SLC7A6: variants seen among roughly 807,000 people sequenced by gnomAD.
SLC7A6 encodes solute carrier family 7 member 6, also known as Y+L amino acid transporter 2.
A neutral mutation model predicts 46.6 loss-of-function variants in SLC7A6; 29 were observed. That is an observed-to-expected ratio of 0.62 (90% CI 0.46 to 0.85). The LOEUF is 0.85. SLC7A6 is among the 40% of genes least tolerant of loss of function. SLC7A6 has a pLI of 0.00. For synonymous variants in SLC7A6, 276 were observed against 257.3 expected (o/e 1.07, Z -0.70); for missense variants, 527 against 647.6 (o/e 0.81, Z 2.02).
At chr16:68,278,222 T>G (rs886451462) in intron 3 of SLC7A6, among the ~76,000 whole-genome samples, 8 of 152,232 alleles carry the variant, frequency 5.3e-5, no homozygotes, top group African/African-American at 1.7e-4. Flanking sequence ...CCCAAAGTGC[T>G]GGGATTACAG....
At position 68,296,892 on chromosome 16, in the gene SLC7A6, C is replaced by T; in HGVS notation, c.1453+82C>T. 4 of 1,458,786 alleles carry T rather than the reference C, an allele frequency of 2.7e-6. No homozygotes were observed. In the South Asian group the frequency reaches 5.2e-5, roughly 19 times the overall value. 90.4% of individuals were successfully genotyped at this position (1,458,786 alleles called of 1,614,324 possible). A position where few individuals can be genotyped will look rare whatever the true frequency, so the allele number is the denominator to read the frequency against. On this transcript the variant is annotated intron_variant, in intron 10 of 10. Transcript: ENST00000219343. ...AGGTGGGGGGTGGCTAACAGCTTCC[C>T]CATACTCAGAATTTGCTGGAGGCCA...
chr16:68,276,164 A>G (rs1017934341), intron 3 of SLC7A6, among the ~76,000 whole-genome samples: 1 of 152,174 alleles, frequency 6.6e-6, no homozygotes, highest in Non-Finnish European at 1.5e-5. Flanking sequence ...ACTTCTTTAC[A>G]CTGACTTTGT....
rs1340855530 is a variant in SLC7A6, at chr16:68,301,605, CTGGAGTATTTTGTCACTTCTCCCCTCCG to C, written c.*4307_*4334del. The C allele has an allele frequency of 1.7e-4, 75 of 430,820 alleles. No individual in the cohort carries two copies. The highest frequency in any genetic ancestry group is 8.9e-4 in the African/African-American group (44 of 49,330). 26.7% of individuals were successfully genotyped at this position (430,820 alleles called of 1,614,324 possible). On this transcript the variant is annotated 3_prime_UTR_variant, in exon 11 of 11. Coordinates refer to ENST00000219343, the MANE Select transcript of SLC7A6 (RefSeq NM_003983.6). ...ATCATCTAAACCAAGTTCCTTCACA[CTGGAGTATTTTGTCACTTCTCCCCTCCG>C]TGGAGTATTTTGTCACTTCTCCCCT...
chr16:68,274,223 G>A (rs911696052), intron 2 of SLC7A6, among the ~76,000 whole-genome samples: 1 of 152,236 alleles, frequency 6.6e-6, no homozygotes, highest in Non-Finnish European at 1.5e-5. Context: ...AGAAGTCCCA[G>A]TTTACATTGG....
chr16:68,301,112 A>ATAAG lies in SLC7A6; in HGVS notation c.*3786_*3789dup. ...AGTGGAAAAGACTCACTCCCCTAAC[A>ATAAG]TAAGTTTTCACTGTGGTGGGATGGT... On this transcript the variant is annotated 3_prime_UTR_variant, in exon 11 of 11. Coordinates refer to ENST00000219343, the MANE Select transcript of SLC7A6 (RefSeq NM_003983.6). 7.4e-7 allele frequency: 1 copy of ATAAG among 1,358,284 alleles called. No homozygotes were observed. Among genetic ancestry groups the ATAAG allele is most frequent in the Non-Finnish European group, 9.5e-7 (1 of 1,052,046 alleles). 84.1% of individuals were successfully genotyped at this position (1,358,284 alleles called of 1,614,324 possible).
chr16:68,278,175 T>C (rs2042752273), intron 3 of SLC7A6, among the ~76,000 whole-genome samples: 2 of 152,028 alleles, frequency 1.3e-5, no homozygotes, highest in East Asian at 1.9e-4. Flanking sequence ...CAGGATGGTC[T>C]TGATCTCTTG....
In SLC7A6 at chr16:68,299,312, C is replaced by T. The variant is rs2043227931; in HGVS notation, c.*1984C>T. 6.6e-6 allele frequency: 1 copy of T among 152,648 alleles called. No homozygotes were observed. Among genetic ancestry groups the T allele is most frequent in the Admixed American group, 6.5e-5 (1 of 15,278 alleles). The allele number at this position is 152,648 out of a possible 1,614,324, so 9.5% of individuals were successfully genotyped here. On this transcript the variant is annotated 3_prime_UTR_variant, in exon 11 of 11. Coordinates refer to ENST00000219343, the MANE Select transcript of SLC7A6 (RefSeq NM_003983.6). The stretch of plus-strand genomic sequence containing the variant: ...AGCTAATCCCAGGAATTTGCTGCCC[C>T]CCACCAGTGGCTTCTAGGGAAAGCA...
In SLC7A6 at chr16:68,275,244, G is replaced by A. The variant is rs776353006; in HGVS notation, c.518G>A (p.Cys173Tyr). The change falls in exon 3 of 11, where the codon TGC becomes TAC. Residue 173 changes from cysteine to tyrosine, a missense_variant. Cys to Tyr is a radical substitution (Grantham distance 194). Transcript: ENST00000219343. ...YLACRLLAAA[C>Y]ICLLTFVNCA... is the part of the protein sequence containing the mutation. ...GCCTGCCGTCTCCTGGCTGCTGCTT[G>A]CATATGTAAGTGGGGGCTGAGATTG... 2.5e-6 allele frequency: 4 copies of A among 1,610,470 alleles called. No individual in the cohort carries two copies. In the East Asian group the frequency reaches 8.9e-5, roughly 36 times the overall value.
intron 7 of SLC7A6, chr16:68,291,869 T>A (rs996527804): frequency 1.8e-6 from 1 of 558,848 alleles, no homozygotes; most frequent in Non-Finnish European, 3.2e-6. Flanking sequence ...CATGTTTCCA[T>A]CTGAGGTGAG....
chr16:68,284,747 T>G, intron 3 of SLC7A6: 6 of 518,204 alleles, frequency 1.2e-5, no homozygotes, highest in Non-Finnish European at 1.5e-5. Context: ...AGACAGTCTC[T>G]TTCTCCATGT....
Position 68,301,354 on chromosome 16 carries a change from T to C in SLC7A6, c.*4026T>C, listed in dbSNP as rs1480570483. On this transcript the variant is annotated 3_prime_UTR_variant, in exon 11 of 11. Coordinates refer to ENST00000219343, the MANE Select transcript of SLC7A6 (RefSeq NM_003983.6). The stretch of plus-strand genomic sequence containing the variant: ...CAGAGGGTACTTGCTCCACATCCGC[T>C]GTCTGCTGCTGCCTCTTTCCTCCTC... 1.9e-6 allele frequency: 3 copies of C among 1,614,194 alleles called. No individual in the cohort carries two copies. Among genetic ancestry groups the C allele is most frequent in the South Asian group, 1.1e-5 (1 of 91,078 alleles).
intron 3 of SLC7A6, among the ~76,000 whole-genome samples, chr16:68,285,363 G>C (rs1037178869): frequency 6.6e-6 from 1 of 152,130 alleles, no homozygotes; most frequent in Non-Finnish European, 1.5e-5. Flanking sequence ...TACTGTGTAG[G>C]GGCCTATGGA....
intron 7 of SLC7A6, chr16:68,292,461 GGA>G (rs2043077103): frequency 6.6e-6 from 1 of 152,142 alleles, no homozygotes; most frequent in African/African-American, 2.4e-5. Flanking sequence ...TCTCCACTTA[GGA>G]GAGACACAAA....
chr16:68,287,885 A>AGGGGGGT lies in SLC7A6; in HGVS notation c.649+15_649+21dup. 6.2e-7 allele frequency: 1 copy of AGGGGGGT among 1,612,076 alleles called. No homozygotes were observed. Among genetic ancestry groups the AGGGGGGT allele is most frequent in the Non-Finnish European group, 8.5e-7 (1 of 1,178,640 alleles). On this transcript the variant is annotated intron_variant, in intron 4 of 10. Coordinates refer to ENST00000219343, the MANE Select transcript of SLC7A6 (RefSeq NM_003983.6). ...AACTGTGCCAGGGTAAGTGGTGGGA[A>AGGGGGGT]GGGGGGTACCACCAACAGTTCCTCT... is the stretch of plus-strand genomic sequence containing the variant.
At chr16:68,278,198 G>T (rs1419849874) in intron 3 of SLC7A6, among the ~76,000 whole-genome samples, 1 of 149,962 alleles carries the variant, frequency 6.7e-6, no homozygotes, top group Non-Finnish European at 1.5e-5. Flanking sequence ...CTCGTGATCC[G>T]CCTGCTTTGG....
At position 68,290,463 on chromosome 16, in the gene SLC7A6, CCTCTA is replaced by C; in HGVS notation, c.722_726del (p.Tyr241CysfsTer12). The stretch of plus-strand genomic sequence containing the variant: ...GGGACATGGGAAACCTCTCTCTTGC[CCTCTA>C]CTCTGCCCTCTTCTCTTACTCAGGT... On this transcript the variant is annotated frameshift_variant, in exon 5 of 11. Coordinates refer to ENST00000219343, the MANE Select transcript of SLC7A6 (RefSeq NM_003983.6). LOFTEE classifies it high-confidence loss of function. 6.2e-7 allele frequency: 1 copy of C among 1,614,146 alleles called. No individual in the cohort carries two copies. The highest frequency in any genetic ancestry group is 8.5e-7 in the Non-Finnish European group (1 of 1,180,020).
At chr16:68,279,476 T>C (rs527589934) in intron 3 of SLC7A6, among the ~76,000 whole-genome samples, 17 of 152,358 alleles carry the variant, frequency 1.1e-4, no homozygotes, top group African/African-American at 4.1e-4. Context: ...GATTTAATTT[T>C]CAGCTTTATC....
At chr16:68,283,640 G>A (rs1413473964) in intron 3 of SLC7A6, among the ~76,000 whole-genome samples, 1 of 152,082 alleles carries the variant, frequency 6.6e-6, no homozygotes, top group African/African-American at 2.4e-5. Context: ...GAGACTTTGG[G>A]GATTTGTTTC....
chr16:68,294,658 A>G (rs1381567424), intron 7 of SLC7A6, 47 bp from the exon 8 acceptor site: 1 of 1,336,740 alleles, frequency 7.5e-7, no homozygotes, highest in African/African-American at 1.4e-5. Flanking sequence ...AGTATGGCTG[A>G]GTAAAAGGAG....
Sources: allele counts gnomAD v4.1 joint callset (sites outside exome capture counted in the v4.1 genomes callset), GRCh38; gene constraint gnomAD v4.1.1; transcripts MANE v1.5; gene names NCBI Gene and HGNC (gene_info 2026-07-23, HGNC 2026-07-21).